The following CYP4Z1 variants were observed in gnomAD, a reference collection of about 807,000 sequenced individuals.
The protein encoded by CYP4Z1 is cytochrome P450 4Z1.
Under a neutral mutation model 54.2 loss-of-function variants are expected in CYP4Z1, and 41 were observed. The ratio of observed to expected loss-of-function variants is 0.76; its 90% CI spans 0.59 to 0.98. The LOEUF is 0.98. Ranked by LOEUF, CYP4Z1 falls within the 50% of genes least tolerant of loss-of-function variation. CYP4Z1 has a pLI of 0.00. For synonymous variants in CYP4Z1, 163 were observed against 206.2 expected, an observed-to-expected ratio of 0.79 and a Z score of 1.79; for missense variants, 513 against 599.0, an observed-to-expected ratio of 0.86 and a Z score of 1.50.
chr1:47,108,582 C>T lies in CYP4Z1; in HGVS notation c.1201+2321C>T, dbSNP rs74073585. The stretch of plus-strand genomic sequence containing the variant: ...CAGTATCACTTACACATTGTCATCA[C>T]TCTCTACCTGTGCCTGTGCCATGGT... On this transcript the variant is annotated intron_variant, in intron 9 of 11. Transcript: ENST00000334194. Among the ~76,000 whole-genome samples, 1,114 of 152,272 alleles carry T rather than the reference C, an allele frequency of 7.3e-3. 16 individuals are homozygous for T. The highest frequency in any genetic ancestry group is 0.024 in the African/African-American group (1,016 of 41,514).
chr1:47,077,804 G>C (rs1242375477), intron 2 of CYP4Z1, among the ~76,000 whole-genome samples: 2 of 151,676 alleles, frequency 1.3e-5, no homozygotes, highest in Non-Finnish European at 2.9e-5. Flanking sequence ...CTTTTGTATA[G>C]ACAAGGGTCT....
At chr1:47,066,221 C>T (rs1644449191), upstream of CYP4Z1, among the ~76,000 whole-genome samples, 1 of 151,968 alleles carries the variant, frequency 6.6e-6, no homozygotes, top group Admixed American at 6.6e-5. Flanking sequence ...CAGGGAATGA[C>T]ATAACAAAAA....
At chr1:47,079,292 T>C (rs1644547068) in intron 2 of CYP4Z1, among the ~76,000 whole-genome samples, 1 of 152,162 alleles carries the variant, frequency 6.6e-6, no homozygotes, top group Non-Finnish European at 1.5e-5. Flanking sequence ...TCTATCCTTT[T>C]TCAGTGGTCT....
At position 47,070,264 on chromosome 1, in the gene CYP4Z1, TC is replaced by T. The variant is rs1201895852; in HGVS notation, c.319+1502del. Among the ~76,000 whole-genome samples, 6 of 112,048 alleles carry T rather than the reference TC, an allele frequency of 5.4e-5. 2 individuals carry two copies. 73.5% of individuals were successfully genotyped at this position (112,048 alleles called of 152,430 possible). On this transcript the variant is annotated intron_variant, in intron 2 of 11. Transcript: ENST00000334194. The stretch of plus-strand genomic sequence containing the variant: ...GATATCATATTCCCATATGTGCTTT[TC>T]TTTTAATTACATTCATTTTATTGTG...
chr1:47,077,707 A>G (rs1205490032), intron 2 of CYP4Z1, among the ~76,000 whole-genome samples: 2 of 151,358 alleles, frequency 1.3e-5, no homozygotes, highest in South Asian at 2.1e-4. Context: ...TGCATCCTCT[A>G]GCTCCTGGGC....
the CYP4Z1 span, among the ~76,000 whole-genome samples, chr1:47,057,335 A>AATATAT: frequency 1.7e-3 from 47 of 28,066 alleles, no homozygotes; most frequent in Non-Finnish European, 3.4e-3. Context: ...AAGAAAAAAA[A>AATATAT]ATATATATAT....
At chr1:47,083,341 GC>G (rs1296636331) in intron 4 of CYP4Z1, among the ~76,000 whole-genome samples, 1 of 152,098 alleles carries the variant, frequency 6.6e-6, no homozygotes, top group Non-Finnish European at 1.5e-5. Flanking sequence ...AAAAATCAAA[GC>G]AAAACATATA....
At chr1:47,055,732 G>A in the CYP4Z1 span, among the ~76,000 whole-genome samples, 1 of 152,050 alleles carries the variant, frequency 6.6e-6, no homozygotes. Context: ...ATTTTCTGAT[G>A]GTAGTTTCTA....
chr1:47,069,648 A>G (rs1644477632), intron 2 of CYP4Z1, among the ~76,000 whole-genome samples: 1 of 151,768 alleles, frequency 6.6e-6, no homozygotes, highest in Admixed American at 6.6e-5. Flanking sequence ...TCTCTTCTTT[A>G]TCTACAAATT....
intron 11 of CYP4Z1, 23 bp from the exon 12 acceptor site, chr1:47,117,743 G>T (rs6664496): frequency 0.39 from 625,624 of 1,584,878 alleles, 137,080 homozygotes; most frequent in East Asian, 0.98. Context: ...TAGATGCCAT[G>T]TTTTCTTTCT....
At chr1:47,068,547 A>C in intron 1 of CYP4Z1, 75 bp from the exon 2 acceptor site, 12 of 1,563,778 alleles carry the variant, frequency 7.7e-6, no homozygotes, top group Non-Finnish European at 1.0e-5. Context: ...AACTTAGCAC[A>C]TGGTCCATCC....
rs960988027 is a variant in CYP4Z1, at chr1:47,091,764, T to C, written c.773-2802T>C. On this transcript the variant is annotated intron_variant, in intron 6 of 11. Transcript: ENST00000334194. ...TAGGGTTAACCTGGAGGCTTTTTTT[T>C]GCTAGTAGAGCTGTTATGACGATGG... 2.0e-5 allele frequency among the ~76,000 whole-genome samples: 3 copies of C among 149,666 alleles called. 1 individual carries two copies. In the Admixed American group the frequency reaches 2.0e-4, roughly 10 times the overall value.
At chr1:47,097,820 A>ATTTTTT (rs35258883) in intron 7 of CYP4Z1, among the ~76,000 whole-genome samples, 1 of 128,418 alleles carries the variant, frequency 7.8e-6, no homozygotes, top group African/African-American at 3.0e-5. Context: ...GTTCCATATG[A>ATTTTTT]TTTTTTTTTT....
intron 8 of CYP4Z1, 40 bp from the exon 9 acceptor site, chr1:47,106,088 A>T: frequency 6.3e-7 from 1 of 1,593,492 alleles, no homozygotes; most frequent in South Asian, 1.2e-5. Context: ...TGCCTAAGTG[A>T]CTACTCCTCC....
intron 2 of CYP4Z1, among the ~76,000 whole-genome samples, chr1:47,069,033 C>A (rs1201933073): frequency 6.6e-6 from 1 of 152,192 alleles, no homozygotes; most frequent in Non-Finnish European, 1.5e-5. Context: ...TACCTCAGAC[C>A]CCCAGGACTA....
At position 47,084,728 on chromosome 1, in the gene CYP4Z1, A is replaced by G; in HGVS notation, c.601A>G (p.Ser201Gly). The G allele has an allele frequency of 6.2e-7, 1 of 1,613,290 alleles. No individual in the cohort carries two copies. The highest frequency in any genetic ancestry group is 1.3e-5 in the African/African-American group (1 of 74,974). Residue 201 changes from serine (S) to glycine (G), a missense_variant, in exon 5 of 12, where the codon AGC (serine) becomes GGC (glycine). Transcript: ENST00000334194. ...IMKCAFSHQG[S>G]IQLDSTLDSY... ...GAAGTGTGCCTTCAGCCACCAGGGC[A>G]GCATCCAGTTGGACAGGTCAGTGAC...
At chr1:47,062,901 A>C (rs1644431462), upstream of CYP4Z1, among the ~76,000 whole-genome samples, 1 of 152,230 alleles carries the variant, frequency 6.6e-6, no homozygotes, top group South Asian at 2.1e-4. Context: ...CACTCTTGAA[A>C]GTTCCATTTC....
intron 9 of CYP4Z1, among the ~76,000 whole-genome samples, chr1:47,114,637 A>G (rs557158842): frequency 6.6e-6 from 1 of 151,762 alleles, no homozygotes; most frequent in Admixed American, 6.6e-5. Flanking sequence ...AAGGTGAAGG[A>G]TATGAACAGA....
upstream of CYP4Z1, among the ~76,000 whole-genome samples, chr1:47,062,249 C>T (rs2148522016): frequency 6.6e-6 from 1 of 152,332 alleles, no homozygotes; most frequent in East Asian, 1.9e-4. Flanking sequence ...TTGCAGCTCC[C>T]ACTTGGACAG....
Sources: gnomAD v4.1 joint callset for allele counts (sites outside exome capture counted in the v4.1 genomes callset) on GRCh38, gnomAD v4.1.1 for gene constraint, MANE v1.5 for transcripts, NCBI Gene and HGNC (gene_info 2026-07-23, HGNC 2026-07-21) for gene names.